Variants in LONP2 observed in about 807,000 individuals in gnomAD.
LONP2 encodes the protein lon protease homolog 2, peroxisomal.
A neutral mutation model predicts 85.6 loss-of-function variants in LONP2; 60 were observed. That is an observed-to-expected ratio of 0.70 (90% CI 0.57 to 0.87). The LOEUF (loss-of-function observed/expected upper bound fraction) is 0.87, where lower values mean the gene tolerates loss of function less well. Among genes scored for constraint, LONP2 ranks in the 40% least tolerant of loss-of-function variants. The pLI is 0.00. For missense variants in LONP2, 860 were observed against 1,063.5 expected (o/e 0.81, Z 2.66); for synonymous variants, 395 against 389.7 (o/e 1.01, Z -0.16).
chr16:48,347,819 A>G, intron 13 of LONP2, 105 bp downstream of exon 13: 6 of 1,110,862 alleles, frequency 5.4e-6, no homozygotes, highest in Non-Finnish European at 7.7e-6. Context: ...CTAGCAAAGT[A>G]CACACCGTTT....
intron 7 of LONP2, among the ~76,000 whole-genome samples, chr16:48,274,184 G>A (rs1034906478): frequency 6.6e-6 from 1 of 152,084 alleles, no homozygotes; most frequent in Non-Finnish European, 1.5e-5. Flanking sequence ...TAATGTAAGT[G>A]CAGTCAGTTA....
Position 48,277,389 on chromosome 16 carries a change from T to G in LONP2, c.1293T>G (p.Thr431=). 1 of 1,613,764 alleles carries G rather than the reference T, an allele frequency of 6.2e-7. No individual in the cohort carries two copies. Among genetic ancestry groups the G allele is most frequent in the Non-Finnish European group, 8.5e-7 (1 of 1,179,806 alleles). The change falls in exon 8 of 15, where the codon ACT becomes ACG. Residue 431 remains threonine (T), a synonymous_variant. Coordinates refer to ENST00000285737, the MANE Select transcript of LONP2 (RefSeq NM_031490.5). Reference sequence around the variant, plus strand: ...GTCGCATCATCAACGGCTTGAAGACTGTGGGAGTGAACAACCCAGTGTTCC... The same window carrying G: ...GTCGCATCATCAACGGCTTGAAGACGGTGGGAGTGAACAACCCAGTGTTCC... ...MPGRIINGLK[T]VGVNNPVFLL... is the part of the protein sequence containing the mutation.
downstream of LONP2, among the ~76,000 whole-genome samples, chr16:48,358,263 C>T (rs1960448718): frequency 1.3e-5 from 2 of 151,328 alleles, no homozygotes; most frequent in African/African-American, 2.5e-5. Context: ...GAAAACTTCA[C>T]ACAGTTACTG....
chr16:48,249,180 G>T (rs1020254494), intron 1 of LONP2, among the ~76,000 whole-genome samples: 2 of 152,254 alleles, frequency 1.3e-5, no homozygotes, highest in Middle Eastern at 6.8e-3. Flanking sequence ...AAACCTCTGA[G>T]GGTAGATTCG....
chr16:48,348,081 C>T lies in LONP2; in HGVS notation c.2147-19C>T, dbSNP rs561507867. On this transcript the variant is annotated intron_variant, in intron 13 of 14. Coordinates refer to ENST00000285737, the MANE Select transcript of LONP2 (RefSeq NM_031490.5). ...AGGTTTAATTTTTCTACATTAAAGT[C>T]CCTTTTTCCTTTTTAAAGCTTTTGG... 1.5e-5 allele frequency: 23 copies of T among 1,575,980 alleles called. No individual in the cohort carries two copies. The highest frequency in any genetic ancestry group is 2.0e-5 in the Non-Finnish European group (23 of 1,167,796).
intron 11 of LONP2, 55 bp from the exon 12 acceptor site, chr16:48,334,161 A>G: frequency 6.4e-7 from 1 of 1,562,220 alleles, no homozygotes; most frequent in Non-Finnish European, 8.7e-7. Flanking sequence ...CTGCTAGTGA[A>G]TTTTCCAGCC....
intron 8 of LONP2, among the ~76,000 whole-genome samples, chr16:48,289,163 G>T (rs540909223): frequency 6.6e-6 from 1 of 152,092 alleles, no homozygotes; most frequent in Admixed American, 6.6e-5. Context: ...CTGTGAACCC[G>T]GAAAATTTGA....
chr16:48,255,773 A>G (rs1460109056), intron 2 of LONP2, among the ~76,000 whole-genome samples: 2 of 152,116 alleles, frequency 1.3e-5, no homozygotes, highest in Non-Finnish European at 2.9e-5. Flanking sequence ...GTTCCCCTGC[A>G]CACGCTGTCT....
intron 2 of LONP2, 127 bp from the exon 3 acceptor site, chr16:48,256,483 T>C (rs576950013): frequency 5.5e-6 from 5 of 902,550 alleles, no homozygotes; most frequent in African/African-American, 1.7e-5. Flanking sequence ...ACGTGGACTA[T>C]ATTAATCAGT....
intron 5 of LONP2, among the ~76,000 whole-genome samples, 166 bp from the exon 6 acceptor site, chr16:48,262,612 T>A (rs1971901467): frequency 6.6e-6 from 1 of 152,216 alleles, no homozygotes; most frequent in South Asian, 2.1e-4. Context: ...ATCATTACAT[T>A]ACAAAACAAA....
At chr16:48,274,348 TTATG>T (rs1972162775) in intron 7 of LONP2, among the ~76,000 whole-genome samples, 1 of 152,106 alleles carries the variant, frequency 6.6e-6, no homozygotes, top group Non-Finnish European at 1.5e-5. Context: ...TCTATCTCCT[TTATG>T]TACCCCATGA....
intron 8 of LONP2, among the ~76,000 whole-genome samples, chr16:48,285,171 T>C (rs892792590): frequency 2.0e-5 from 3 of 152,176 alleles, no homozygotes; most frequent in Non-Finnish European, 2.9e-5. Flanking sequence ...CTCTCACCAC[T>C]TTCTGGTCTC....
chr16:48,342,738 G>T (rs1959851837), intron 12 of LONP2, among the ~76,000 whole-genome samples: 1 of 152,202 alleles, frequency 6.6e-6, no homozygotes, highest in Non-Finnish European at 1.5e-5. Flanking sequence ...ATGAATTCAA[G>T]ACTTGGGATC....
chr16:48,361,005 C>G (rs934128753), downstream of LONP2: 6 of 152,108 alleles, frequency 3.9e-5, no homozygotes, highest in Non-Finnish European at 7.3e-5. Context: ...ATATGCATAT[C>G]AAAAGATACT....
At chr16:48,337,739 GAAGA>G (rs894689173) in intron 12 of LONP2, among the ~76,000 whole-genome samples, 2 of 152,124 alleles carry the variant, frequency 1.3e-5, no homozygotes, top group Non-Finnish European at 1.5e-5. Context: ...CAAAGAATCT[GAAGA>G]GAGAGGTTAT....
At chr16:48,260,877 G>A (rs1333283463) in intron 4 of LONP2, among the ~76,000 whole-genome samples, 2 of 152,204 alleles carry the variant, frequency 1.3e-5, no homozygotes, top group Non-Finnish European at 2.9e-5. Flanking sequence ...TGGAGAAGCA[G>A]AACTTCACAA....
intron 6 of LONP2, among the ~76,000 whole-genome samples, chr16:48,266,493 C>G (rs185356643): frequency 6.6e-6 from 1 of 152,152 alleles, no homozygotes; most frequent in Non-Finnish European, 1.5e-5. Flanking sequence ...TCTTCATGCT[C>G]TTTGATAATC....
chr16:48,273,404 T>A (rs1455288052), intron 7 of LONP2, among the ~76,000 whole-genome samples: 1 of 152,230 alleles, frequency 6.6e-6, no homozygotes. Context: ...CTTGCCTTAA[T>A]ATTTAATCTT....
chr16:48,336,291 G>A (rs1959646215), intron 12 of LONP2: 1 of 452,286 alleles, frequency 2.2e-6, no homozygotes, highest in South Asian at 1.6e-5. Flanking sequence ...TGTTAGCATG[G>A]GAGAACCTTA....
Sources: gnomAD v4.1 joint callset for allele counts (sites outside exome capture counted in the v4.1 genomes callset) on GRCh38, gnomAD v4.1.1 for gene constraint, MANE v1.5 for transcripts, NCBI Gene and HGNC (gene_info 2026-07-23, HGNC 2026-07-21) for gene names.